The following USH2A variants were observed in gnomAD, a reference collection of about 807,000 sequenced individuals.
USH2A encodes usherin.
A neutral mutation model predicts 538.9 loss-of-function variants in USH2A; 443 were observed. The ratio of observed to expected loss-of-function variants is 0.82; its 90% CI spans 0.76 to 0.89. USH2A has a LOEUF of 0.89. Ranked by LOEUF, USH2A falls within the 40% of genes least tolerant of loss-of-function variation. USH2A has a pLI of 0.00. For missense variants in USH2A, 6,633 were observed against 6,324.8 expected, an observed-to-expected ratio of 1.05 and a Z score of -1.65; for synonymous variants, 2,413 against 2,273.5, an observed-to-expected ratio of 1.06 and a Z score of -1.75.
chr1:215,628,330 TG>T (rs1239814247), intron 71 of USH2A, among the ~76,000 whole-genome samples: 35 of 152,224 alleles, frequency 2.3e-4, no homozygotes, highest in Non-Finnish European at 1.8e-4. Flanking sequence ...TCACCCAGGC[TG>T]GAGTGCAGTG....
intron 66 of USH2A, 144 bp from the exon 67 acceptor site, chr1:215,647,874 GCT>G: frequency 1.1e-6 from 1 of 935,818 alleles, no homozygotes. Context: ...GCAGGAAACT[GCT>G]CTCAGAAACA....
At chr1:215,805,778 G>C (rs1662482728) in intron 49 of USH2A, among the ~76,000 whole-genome samples, 1 of 150,526 alleles carries the variant, frequency 6.6e-6, no homozygotes, top group South Asian at 2.1e-4. Context: ...ACAAGAGCTT[G>C]CTAAGCACTT....
intron 3 of USH2A, among the ~76,000 whole-genome samples, chr1:216,406,214 A>T (rs1299581277): frequency 1.3e-5 from 2 of 152,208 alleles, no homozygotes; most frequent in African/African-American, 4.8e-5. Context: ...AATATTGGTT[A>T]TATTAATGTC....
At chr1:216,297,121 G>A (rs1243142974) in intron 9 of USH2A, among the ~76,000 whole-genome samples, 2 of 151,888 alleles carry the variant, frequency 1.3e-5, no homozygotes, top group Admixed American at 1.3e-4. Context: ...TGATTTGCTA[G>A]CCCTGTGTTC....
intron 49 of USH2A, among the ~76,000 whole-genome samples, chr1:215,802,453 A>T (rs938841463): frequency 1.1e-4 from 16 of 152,120 alleles, no homozygotes; most frequent in African/African-American, 3.9e-4. Context: ...ATGGGCAAAT[A>T]ACTTTAATAG....
At chr1:215,932,409 C>A (rs1268463507) in intron 38 of USH2A, among the ~76,000 whole-genome samples, 1 of 151,968 alleles carries the variant, frequency 6.6e-6, no homozygotes, top group Non-Finnish European at 1.5e-5. Flanking sequence ...ATGCCACATG[C>A]TTTTCAGCAT....
chr1:216,144,980 G>A (rs541203192), intron 21 of USH2A, among the ~76,000 whole-genome samples: 4 of 152,206 alleles, frequency 2.6e-5, no homozygotes, highest in East Asian at 1.9e-4. Flanking sequence ...AGTGTGTTCT[G>A]TAACTCAAGG....
intron 24 of USH2A, 178 bp from the exon 25 acceptor site, chr1:216,085,055 TATA>T (rs2032085654): frequency 1.6e-6 from 1 of 644,828 alleles, no homozygotes; most frequent in Non-Finnish European, 2.7e-6. Context: ...TGATAGCAAT[TATA>T]ATGTTTAGTG....
At chr1:216,299,128 C>A (rs1215783018) in intron 9 of USH2A, among the ~76,000 whole-genome samples, 1 of 152,058 alleles carries the variant, frequency 6.6e-6, no homozygotes, top group Non-Finnish European at 1.5e-5. Context: ...AGGCGTGAGC[C>A]ACCGTGCCTG....
chr1:215,965,150 A>C (rs1439851836), intron 37 of USH2A, among the ~76,000 whole-genome samples, 167 bp downstream of exon 37: 2 of 152,154 alleles, frequency 1.3e-5, no homozygotes, highest in Non-Finnish European at 2.9e-5. Flanking sequence ...TGGGAACCAC[A>C]TTCTGAGAAC....
At chr1:216,360,279 A>T (rs1021220701) in intron 4 of USH2A, among the ~76,000 whole-genome samples, 2 of 152,172 alleles carry the variant, frequency 1.3e-5, no homozygotes, top group African/African-American at 4.8e-5. Flanking sequence ...TCTTACATGC[A>T]TATTACTCAG....
chr1:215,958,500 T>A (rs1449177787), intron 37 of USH2A, among the ~76,000 whole-genome samples: 3 of 152,152 alleles, frequency 2.0e-5, no homozygotes, highest in Admixed American at 2.0e-4. Flanking sequence ...TGGGGATTTA[T>A]CCCAAAGAGC....
At chr1:215,942,389 C>T (rs553389556) in intron 37 of USH2A, among the ~76,000 whole-genome samples, 46 of 152,140 alleles carry the variant, frequency 3.0e-4, no homozygotes, top group Non-Finnish European at 6.2e-4. Flanking sequence ...GTTTTGAAGA[C>T]ACCCAAGGGA....
At chr1:216,213,440 C>G (rs1268019705) in intron 15 of USH2A, among the ~76,000 whole-genome samples, 1 of 151,974 alleles carries the variant, frequency 6.6e-6, no homozygotes, top group East Asian at 1.9e-4. Context: ...GGGTCAACTG[C>G]ATTTTTGCAT....
At chr1:216,395,921 A>G (rs2039204384) in intron 3 of USH2A, among the ~76,000 whole-genome samples, 1 of 152,236 alleles carries the variant, frequency 6.6e-6, no homozygotes, top group Admixed American at 6.5e-5. Context: ...ATATACTAAT[A>G]AAAATGTAAG....
intron 3 of USH2A, among the ~76,000 whole-genome samples, chr1:216,401,876 C>T (rs2039311732): frequency 6.6e-6 from 1 of 151,958 alleles, no homozygotes; most frequent in African/African-American, 2.4e-5. Flanking sequence ...AAACTCTCAG[C>T]AATTGATAGA....
intron 3 of USH2A, among the ~76,000 whole-genome samples, chr1:216,394,098 G>A (rs1416112272): frequency 6.6e-6 from 1 of 152,108 alleles, no homozygotes; most frequent in Non-Finnish European, 1.5e-5. Flanking sequence ...CATTAGAGAA[G>A]TGTAAATTAA....
At chr1:215,734,573 A>C (rs1368286127) in intron 60 of USH2A, among the ~76,000 whole-genome samples, 3 of 152,128 alleles carry the variant, frequency 2.0e-5, no homozygotes, top group Non-Finnish European at 4.4e-5. Flanking sequence ...CTTCCCTTTT[A>C]CATAAAAGTT....
At chr1:215,633,180 C>T (rs1656363453) in intron 70 of USH2A, among the ~76,000 whole-genome samples, 1 of 152,124 alleles carries the variant, frequency 6.6e-6, no homozygotes, top group Non-Finnish European at 1.5e-5. Flanking sequence ...GTGAGCCACC[C>T]AAGGAGCAGC....
Sources: allele counts gnomAD v4.1 joint callset (sites outside exome capture counted in the v4.1 genomes callset), GRCh38; gene constraint gnomAD v4.1.1; transcripts MANE v1.5; gene names NCBI Gene and HGNC (gene_info 2026-07-23, HGNC 2026-07-21).